ADGRG2: variants seen among roughly 807,000 people sequenced by gnomAD.
The protein encoded by ADGRG2 is G protein-coupled receptor 64.
A neutral mutation model predicts 74.1 loss-of-function variants in ADGRG2; 26 were observed. That is an observed-to-expected ratio of 0.35 (90% confidence interval 0.26 to 0.49). The LOEUF is 0.49. Ranked by LOEUF, ADGRG2 falls within the 20% of genes least tolerant of loss-of-function variation. The pLI is 0.99. For missense variants in ADGRG2, 619 were observed against 763.1 expected, an observed-to-expected ratio of 0.81 and a Z score of 2.22; for synonymous variants, 296 against 295.2, an observed-to-expected ratio of 1.00 and a Z score of -0.03.
intron 1 of ADGRG2, among the ~76,000 whole-genome samples, chrX:19,121,663 C>G (rs1226658680): frequency 9.0e-6 from 1 of 110,563 alleles, no homozygotes; most frequent in East Asian, 2.9e-4. Context: ...CGGCCCCCAC[C>G]CCAGACCTGC....
At chrX:19,009,962 C>A (rs143191633) in intron 17 of ADGRG2, among the ~76,000 whole-genome samples, 180 bp from the exon 18 acceptor site, 2,118 of 111,061 alleles carry the variant, frequency 0.019, 24 homozygotes, top group Middle Eastern at 0.085. Flanking sequence ...AGATGCACAC[C>A]ACCACACCCA....
intron 1 of ADGRG2, among the ~76,000 whole-genome samples, chrX:19,104,326 T>C (rs1404190681): frequency 9.0e-6 from 1 of 110,940 alleles, no homozygotes; most frequent in Non-Finnish European, 1.9e-5. Context: ...AGATACACCC[T>C]CTGGGTACAG....
intron 3 of ADGRG2, among the ~76,000 whole-genome samples, chrX:19,057,005 C>T (rs969422426): frequency 6.3e-5 from 7 of 111,254 alleles, no homozygotes; most frequent in Non-Finnish European, 9.4e-5. Context: ...AATTATATTA[C>T]ATTTATCAAG....
At chrX:19,033,379 T>G in intron 8 of ADGRG2, 1 of 294,483 alleles carries the variant, frequency 3.4e-6, no homozygotes. Context: ...TTGCCTTGTC[T>G]CCACCCATAG....
At chrX:19,043,759 G>A (rs1298827047) in intron 3 of ADGRG2, among the ~76,000 whole-genome samples, 2 of 68,318 alleles carry the variant, frequency 2.9e-5, no homozygotes, top group Non-Finnish European at 7.0e-5. Context: ...CCCCTCCCAG[G>A]CATTTTTTTT....
At chrX:19,068,612 AAAT>A in intron 3 of ADGRG2, 102 bp downstream of exon 3, 1 of 434,644 alleles carries the variant, frequency 2.3e-6, no homozygotes, top group Non-Finnish European at 4.1e-6. Context: ...TTAAAATGAT[AAAT>A]ATTATGTTAT....
chrX:19,037,270 C>CCATGACTGT (rs2060961334), intron 6 of ADGRG2, among the ~76,000 whole-genome samples, 197 bp downstream of exon 6: 1 of 112,224 alleles, frequency 8.9e-6, no homozygotes, highest in Non-Finnish European at 1.9e-5. Context: ...TCTCTTCCCT[C>CCATGACTGT]CATGACTGTA....
Position 19,007,108 on chromosome X carries a change from T to C in ADGRG2, c.1689+127A>G. On this transcript the variant is annotated intron_variant, in intron 20 of 28. Transcript: ENST00000379869. ...CAATGGAGAGATGTGATTCTAGTCC[T>C]GCAAACTACTCCAGCTGAGCTGAAG... 4 of 645,876 alleles carry C rather than the reference T, an allele frequency of 6.2e-6. No homozygotes were observed. The South Asian group carries it at 1.0e-4, about 17-fold the overall frequency. The allele number at this position is 645,876 out of a possible 1,213,427, so 53.2% of individuals were successfully genotyped here. A position where few individuals can be genotyped will look rare whatever the true frequency, so the allele number is the denominator to read the frequency against.
chrX:18,992,447 G>A (rs139288677), intron 28 of ADGRG2, among the ~76,000 whole-genome samples: 262 of 111,780 alleles, frequency 2.3e-3, no homozygotes, highest in East Asian at 8.4e-3. Context: ...GTGCCACCAC[G>A]TCTGGTTGAT....
intron 18 of ADGRG2, among the ~76,000 whole-genome samples, chrX:19,009,362 G>A (rs1440571380): frequency 1.8e-5 from 2 of 110,667 alleles, no homozygotes; most frequent in Non-Finnish European, 3.8e-5. Context: ...ATTTTTAGTA[G>A]AGATGGGGTT....
At chrX:19,089,756 C>T (rs1304359317) in intron 1 of ADGRG2, among the ~76,000 whole-genome samples, 1 of 111,622 alleles carries the variant, frequency 9.0e-6, no homozygotes, top group East Asian at 2.8e-4. Flanking sequence ...AGCTGGCCAA[C>T]CCCCAGGCAA....
At chrX:19,098,546 T>C (rs979398639) in intron 1 of ADGRG2, among the ~76,000 whole-genome samples, 1 of 111,977 alleles carries the variant, frequency 8.9e-6, no homozygotes, top group African/African-American at 3.2e-5. Flanking sequence ...ATAGCAGATT[T>C]TGTAGGATTT....
At chrX:19,104,537 CT>C (rs985286994) in intron 1 of ADGRG2, among the ~76,000 whole-genome samples, 2 of 111,795 alleles carry the variant, frequency 1.8e-5, no homozygotes, top group African/African-American at 3.2e-5. Context: ...GGGGCTCCCC[CT>C]TTTTTTATAA....
chrX:19,021,311 C>T (rs2060583387), intron 13 of ADGRG2, 113 bp from the exon 14 acceptor site: 1 of 521,359 alleles, frequency 1.9e-6, no homozygotes, highest in East Asian at 3.6e-5. Context: ...ATACTGTTAA[C>T]TTGTGATGTC....
chrX:19,056,448 T>C (rs1387906176), intron 3 of ADGRG2, among the ~76,000 whole-genome samples: 1 of 111,659 alleles, frequency 9.0e-6, no homozygotes, highest in Non-Finnish European at 1.9e-5. Context: ...GCTTTGCTCC[T>C]AGCGAATGTT....
In ADGRG2 at chrX:19,013,876, T is replaced by C. The variant is rs996867167; in HGVS notation, c.909A>G (p.Ser303=). The C allele has an allele frequency of 5.0e-6, 6 of 1,202,783 alleles. No homozygotes were observed. The highest frequency in any genetic ancestry group is 6.7e-6 in the Non-Finnish European group (6 of 890,248). Residue 303 remains serine, a synonymous_variant, in exon 16 of 29, where the codon TCA becomes TCG. Coordinates refer to ENST00000379869, the MANE Select transcript of ADGRG2 (RefSeq NM_001079858.3). Reference sequence around the variant, plus strand: ...AAGCTATGGGAGCTGAAGGCTGGGGTGAAAGGGGTTGAATCTCCCCTATTG... The same window carrying C: ...AAGCTATGGGAGCTGAAGGCTGGGGCGAAAGGGGTTGAATCTCCCCTATTG... ...PSPIGEIQPL[S]PQPSAPIASS... is the part of the protein sequence containing the mutation.
intron 1 of ADGRG2, among the ~76,000 whole-genome samples, chrX:19,095,797 C>A (rs937613406): frequency 1.8e-5 from 2 of 110,818 alleles, no homozygotes; most frequent in South Asian, 7.8e-4. Flanking sequence ...GAGGATCACT[C>A]GAGTCCAGGA....
At chrX:19,014,868 G>A (rs770898353) in intron 15 of ADGRG2, among the ~76,000 whole-genome samples, 21 of 111,580 alleles carry the variant, frequency 1.9e-4, no homozygotes, top group Admixed American at 1.5e-3. Flanking sequence ...CCTGACCTCC[G>A]ATGATCTGCC....
intron 1 of ADGRG2, among the ~76,000 whole-genome samples, chrX:19,093,902 TACACACACACACACACAC>T (rs61296210): frequency 0.047 from 4,712 of 100,141 alleles, 250 homozygotes; most frequent in African/African-American, 0.16. Flanking sequence ...TATGTAGGTA[TACACACACACACACACAC>T]ACACACACAC....
Sources: allele counts gnomAD v4.1 joint callset (sites outside exome capture counted in the v4.1 genomes callset), GRCh38; gene constraint gnomAD v4.1.1; transcripts MANE v1.5; gene names NCBI Gene and HGNC (gene_info 2026-07-23, HGNC 2026-07-21).